Variants in ACAP2 observed in about 807,000 individuals in gnomAD.
The protein encoded by ACAP2 is arf-GAP with coiled-coil, ANK repeat and PH domain-containing protein 2.
ACAP2 carries 39 observed loss-of-function variants against 115.8 expected under a neutral mutation model. That is an observed-to-expected ratio of 0.34 (90% CI 0.26 to 0.44). The LOEUF is 0.44. Among genes scored for constraint, ACAP2 ranks in the 20% least tolerant of loss-of-function variants. ACAP2 has a pLI of 1.00. For missense variants in ACAP2, 662 were observed against 927.6 expected, an observed-to-expected ratio of 0.71 and a Z score of 3.72; for synonymous variants, 289 against 315.8, an observed-to-expected ratio of 0.92 and a Z score of 0.90.
intron 14 of ACAP2, 82 bp from the exon 15 acceptor site, chr3:195,301,726 CT>C: frequency 7.4e-7 from 1 of 1,354,478 alleles, no homozygotes; most frequent in South Asian, 1.2e-5. Flanking sequence ...GTGACACAGG[CT>C]CTAATAAAGC....
At chr3:195,415,148 C>T (rs906979332) in intron 1 of ACAP2, among the ~76,000 whole-genome samples, 3 of 152,116 alleles carry the variant, frequency 2.0e-5, no homozygotes, top group Non-Finnish European at 2.9e-5. Context: ...AGGCTCAATG[C>T]TTGTAACAAA....
intron 4 of ACAP2, among the ~76,000 whole-genome samples, chr3:195,376,947 T>C (rs937100368): frequency 6.6e-6 from 1 of 152,160 alleles, no homozygotes; most frequent in Non-Finnish European, 1.5e-5. Flanking sequence ...ATTGGGATGC[T>C]ATGTAATTAG....
At chr3:195,323,640 T>C (rs1478807694) in intron 9 of ACAP2, among the ~76,000 whole-genome samples, 1 of 152,090 alleles carries the variant, frequency 6.6e-6, no homozygotes, top group African/African-American at 2.4e-5. Flanking sequence ...ATATCAAGAA[T>C]TTGCCGGCCA....
chr3:195,373,007 A>AAAAAAAAAAAAAC (rs1733272336), intron 4 of ACAP2, among the ~76,000 whole-genome samples: 1 of 148,528 alleles, frequency 6.7e-6, no homozygotes, highest in Non-Finnish European at 1.5e-5. Flanking sequence ...AAAAAAAAAA[A>AAAAAAAAAAAAAC]AAAAAGCCTA....
chr3:195,342,736 C>A, intron 5 of ACAP2, 82 bp from the exon 6 acceptor site: 1 of 1,119,444 alleles, frequency 8.9e-7, no homozygotes, highest in Non-Finnish European at 1.2e-6. Context: ...TGGCTCACAC[C>A]TGTAATCCCA....
intron 11 of ACAP2, among the ~76,000 whole-genome samples, chr3:195,307,973 GTAAC>G (rs1728527345): frequency 6.6e-6 from 1 of 152,188 alleles, no homozygotes; most frequent in South Asian, 2.1e-4. Flanking sequence ...TTCATAAAAA[GTAAC>G]TAGGTGAAAA....
At chr3:195,285,032 T>C (rs1726753381) in intron 22 of ACAP2, among the ~76,000 whole-genome samples, 1 of 152,218 alleles carries the variant, frequency 6.6e-6, no homozygotes, top group Non-Finnish European at 1.5e-5. Flanking sequence ...TGAATTGAAA[T>C]TTCTCAAGTA....
intron 8 of ACAP2, among the ~76,000 whole-genome samples, chr3:195,332,777 C>G (rs1212953610): frequency 6.6e-6 from 1 of 152,168 alleles, no homozygotes; most frequent in Non-Finnish European, 1.5e-5. Context: ...TCATTCTCCC[C>G]TCTGCTGCCT....
At chr3:195,340,133 C>T (rs539080168) in intron 6 of ACAP2, among the ~76,000 whole-genome samples, 33 of 151,140 alleles carry the variant, frequency 2.2e-4, no homozygotes, top group South Asian at 8.4e-4. Context: ...GACTTTAATA[C>T]TCCAGACAAG....
intron 15 of ACAP2, among the ~76,000 whole-genome samples, chr3:195,298,518 A>G (rs1727806991): frequency 6.6e-6 from 1 of 152,032 alleles, no homozygotes; most frequent in African/African-American, 2.4e-5. Flanking sequence ...TCGACCTCTC[A>G]AAGTGCTAGG....
intron 1 of ACAP2, among the ~76,000 whole-genome samples, chr3:195,426,664 T>G (rs1397488355): frequency 6.6e-6 from 1 of 151,938 alleles, no homozygotes; most frequent in African/African-American, 2.4e-5. Context: ...GGCAACTGAG[T>G]AGTCCAAAAA....
At chr3:195,314,199 GT>G (rs767973183) in intron 10 of ACAP2, among the ~76,000 whole-genome samples, 66 of 125,144 alleles carry the variant, frequency 5.3e-4, no homozygotes, top group South Asian at 3.7e-3. Context: ...AAATTTTGTT[GT>G]TTTTTTTTTT....
chr3:195,341,326 T>G (rs1730856867), intron 6 of ACAP2, among the ~76,000 whole-genome samples: 1 of 138,666 alleles, frequency 7.2e-6, no homozygotes, highest in African/African-American at 2.7e-5. Flanking sequence ...TGTGGGTTTT[T>G]TTTTTTTTTT....
At position 195,294,760 on chromosome 3, in the gene ACAP2, G is replaced by GATT; in HGVS notation, c.1721_1723dup (p.Glu574_Ser575insTer). On this transcript the variant is annotated stop_gained, in exon 18 of 23. Coordinates refer to ENST00000326793, the MANE Select transcript of ACAP2 (RefSeq NM_012287.6). LOFTEE classifies it high-confidence loss of function. Reference sequence around the variant, plus strand: ...ATTGGCTGACACCGTGGAGGGTAAAGATTCTCTTCCATCATCAGAGCTCTG... The same window carrying GATT: ...ATTGGCTGACACCGTGGAGGGTAAAGATTATTCTCTTCCATCATCAGAGCTCTG... 6.2e-7 allele frequency: 1 copy of GATT among 1,610,744 alleles called. No homozygotes were observed. Among genetic ancestry groups the GATT allele is most frequent in the Non-Finnish European group, 8.5e-7 (1 of 1,177,882 alleles).
intron 10 of ACAP2, among the ~76,000 whole-genome samples, chr3:195,317,767 C>T (rs1156582090): frequency 1.3e-5 from 2 of 152,076 alleles, no homozygotes; most frequent in Non-Finnish European, 2.9e-5. Flanking sequence ...GCCACAGCTT[C>T]ATATATGAAA....
At chr3:195,358,131 A>AT (rs1732111330) in intron 4 of ACAP2, among the ~76,000 whole-genome samples, 2 of 152,112 alleles carry the variant, frequency 1.3e-5, no homozygotes, top group South Asian at 4.1e-4. Context: ...TGGTATCTCT[A>AT]TAAGTGTCCA....
chr3:195,314,893 A>C (rs191241756), intron 10 of ACAP2, among the ~76,000 whole-genome samples: 1 of 152,384 alleles, frequency 6.6e-6, no homozygotes, highest in Admixed American at 6.5e-5. Context: ...AATTTTTAAC[A>C]TTAAAAAGCA....
chr3:195,407,182 G>T (rs1290406517), intron 1 of ACAP2, among the ~76,000 whole-genome samples: 6 of 139,150 alleles, frequency 4.3e-5, no homozygotes, highest in Non-Finnish European at 4.5e-5. Flanking sequence ...TAAACTTATA[G>T]AAAGAACATT....
chr3:195,428,653 T>C (rs1271010813), intron 1 of ACAP2, among the ~76,000 whole-genome samples: 1 of 152,150 alleles, frequency 6.6e-6, no homozygotes, highest in Non-Finnish European at 1.5e-5. Flanking sequence ...CTATGATGTT[T>C]ACATGACAAA....
Sources: allele counts gnomAD v4.1 joint callset (sites outside exome capture counted in the v4.1 genomes callset), GRCh38; gene constraint gnomAD v4.1.1; transcripts MANE v1.5; gene names NCBI Gene and HGNC (gene_info 2026-07-23, HGNC 2026-07-21).